RTF1: variants seen among roughly 807,000 people sequenced by gnomAD.
RTF1 encodes the protein RTF1 homolog, Paf1/RNA polymerase II complex component, also known as RNA polymerase-associated protein RTF1 homolog.
RTF1 carries 10 observed loss-of-function variants against 95.7 expected under a neutral mutation model. The observed-to-expected ratio is 0.10, with a 90% CI of 0.06 to 0.18. The LOEUF (loss-of-function observed/expected upper bound fraction) is 0.18, where lower values mean the gene tolerates loss of function less well. RTF1 is among the 10% of genes least tolerant of loss of function. The pLI is 1.00. For synonymous variants in RTF1, 305 were observed against 311.8 expected, an observed-to-expected ratio of 0.98 and a Z score of 0.23; for missense variants, 458 against 875.6, an observed-to-expected ratio of 0.52 and a Z score of 6.02.
At chr15:41,459,272 C>T (rs768860030) in intron 4 of RTF1, among the ~76,000 whole-genome samples, 12 of 151,310 alleles carry the variant, frequency 7.9e-5, no homozygotes, top group Non-Finnish European at 1.3e-4. Context: ...ACTTGGGAGG[C>T]TGAGTCAGCA....
Position 41,447,346 on chromosome 15 carries a change from G to A in RTF1, c.310-5555G>A, listed in dbSNP as rs116539460. On this transcript the variant is annotated intron_variant, in intron 2 of 17. Coordinates refer to ENST00000389629, the MANE Select transcript of RTF1 (RefSeq NM_015138.5). ...CCCTATTCCAGAGCAACCAGTCCCC[G>A]CCTTGTGTTTCTTCCCATCTTTCAG... Among the ~76,000 whole-genome samples, 982 of 152,108 alleles carry A rather than the reference G, an allele frequency of 6.5e-3. 13 individuals carry two copies. Among genetic ancestry groups the A allele is most frequent in the African/African-American group, 0.021 (888 of 41,488 alleles).
rs527341826 is a variant in RTF1 at position 41,483,350 on chromosome 15, C to G, written c.*2663C>G. On this transcript the variant is annotated 3_prime_UTR_variant, in exon 18 of 18. Transcript: ENST00000389629. ...CCAAGGTTGTTTTTATGCATTTTTT[C>G]AGTTCCTTCCAAGAAGCAAAAAGGC... is the stretch of plus-strand genomic sequence containing the variant. The G allele has an allele frequency of 6.5e-5, 10 of 152,740 alleles. No homozygotes were observed. In the East Asian group the frequency reaches 1.9e-3, roughly 29 times the overall value. 9.5% of individuals were successfully genotyped at this position (152,740 alleles called of 1,614,324 possible).
At chr15:41,424,562 C>T (rs772994451) in intron 1 of RTF1, among the ~76,000 whole-genome samples, 7 of 152,092 alleles carry the variant, frequency 4.6e-5, no homozygotes, top group South Asian at 2.1e-4. Context: ...ACGGACTACA[C>T]TCAGCAGTAA....
chr15:41,452,562 C>T (rs1443708604), intron 2 of RTF1, among the ~76,000 whole-genome samples: 7 of 151,876 alleles, frequency 4.6e-5, no homozygotes, highest in Non-Finnish European at 7.4e-5. Context: ...AGTGAAACCC[C>T]GTCTCTACAA....
rs1259059162 is a variant in RTF1, at chr15:41,432,262, A to G, written c.199-6059A>G. Among the ~76,000 whole-genome samples the G allele has an allele frequency of 2.0e-5, 3 of 150,936 alleles. No homozygotes were observed. In the East Asian group the frequency reaches 5.9e-4, roughly 30 times the overall value. ...AGTCTGGATGGAGTGCAGTGGCACAATCTCGGCCCACTGCAAGTTCCGCCT... is the reference window on the plus strand; with the variant it reads ...AGTCTGGATGGAGTGCAGTGGCACAGTCTCGGCCCACTGCAAGTTCCGCCT... On this transcript the variant is annotated intron_variant, in intron 1 of 17. Coordinates refer to ENST00000389629, the MANE Select transcript of RTF1 (RefSeq NM_015138.5).
chr15:41,436,287 TAAAAAA>T (rs746306495), intron 1 of RTF1, among the ~76,000 whole-genome samples: 3 of 95,218 alleles, frequency 3.2e-5, no homozygotes, highest in East Asian at 2.9e-4. Context: ...CCGTCTCTAC[TAAAAAA>T]AAAAAAAAAA....
intron 1 of RTF1, among the ~76,000 whole-genome samples, chr15:41,426,464 CCTGA>C (rs1566835594): frequency 6.6e-6 from 1 of 151,926 alleles, no homozygotes; most frequent in Non-Finnish European, 1.5e-5. Context: ...CGCCACCATG[CCTGA>C]CTAATTTTTT....
chr15:41,427,543 A>G (rs1183282319), intron 1 of RTF1, among the ~76,000 whole-genome samples: 1 of 151,892 alleles, frequency 6.6e-6, no homozygotes, highest in Non-Finnish European at 1.5e-5. Context: ...AGCTGGGTGT[A>G]GTGGTGTGTG....
At position 41,466,162 on chromosome 15, in the gene RTF1, C is replaced by T; in HGVS notation, c.799C>T (p.Arg267Trp). 1.3e-6 allele frequency: 2 copies of T among 1,585,564 alleles called. No homozygotes were observed. Among genetic ancestry groups the T allele is most frequent in the Non-Finnish European group, 1.7e-6 (2 of 1,167,110 alleles). The change falls in exon 6 of 18, where the codon CGG becomes TGG. Residue 267 changes from arginine (R) to tryptophan (W), a missense_variant. This residue lies in a region of RTF1 where 39 missense variants were observed against 43.8 expected (regional missense o/e 0.89). Coordinates refer to ENST00000389629, the MANE Select transcript of RTF1 (RefSeq NM_015138.5). Reference sequence around the variant, plus strand: ...CTAGGTAACATCCCACAACAAGGAACGGCGTTCCAAGCGGGATGAGAAACT... The same window carrying T: ...CTAGGTAACATCCCACAACAAGGAATGGCGTTCCAAGCGGGATGAGAAACT... Reference protein sequence around the residue: ...ESQVTSHNKERRSKRDEKLDK... With the variant: ...ESQVTSHNKEWRSKRDEKLDK...
intron 2 of RTF1, among the ~76,000 whole-genome samples, chr15:41,445,734 ATT>A (rs66494134): frequency 1.3e-4 from 17 of 131,978 alleles, no homozygotes; most frequent in Admixed American, 1.5e-4. Context: ...TCCTGACCCC[ATT>A]TTTTTTTTTT....
intron 2 of RTF1, among the ~76,000 whole-genome samples, chr15:41,446,450 C>T (rs1023894334): frequency 6.6e-6 from 1 of 152,046 alleles, no homozygotes; most frequent in African/African-American, 2.4e-5. Flanking sequence ...CCTGTAGTCC[C>T]AGCTACTCAG....
At chr15:41,421,066 A>C (rs1003539238) in intron 1 of RTF1, among the ~76,000 whole-genome samples, 1 of 151,022 alleles carries the variant, frequency 6.6e-6, no homozygotes. Context: ...CATGCCCTGT[A>C]ATCTCAGCAC....
intron 2 of RTF1, among the ~76,000 whole-genome samples, chr15:41,445,036 G>A (rs556912016): frequency 2.6e-5 from 4 of 151,992 alleles, no homozygotes; most frequent in Admixed American, 2.0e-4. Context: ...GATTCACGCC[G>A]TTCTCCTGCC....
chr15:41,472,196 T>G (rs1335956635), intron 8 of RTF1, among the ~76,000 whole-genome samples: 2 of 149,490 alleles, frequency 1.3e-5, no homozygotes, highest in Non-Finnish European at 3.0e-5. Flanking sequence ...CCTATTTTTA[T>G]TTTTATTTAT....
intron 1 of RTF1, among the ~76,000 whole-genome samples, chr15:41,417,968 T>C (rs1211453069): frequency 6.6e-6 from 1 of 151,446 alleles, no homozygotes; most frequent in Non-Finnish European, 1.5e-5. Context: ...GGGCAGATAC[T>C]GGAAGAAATA....
chr15:41,426,779 ATATGTGTGTGTGTGTGTGTGTGTG>A (rs2050634413), intron 1 of RTF1, among the ~76,000 whole-genome samples: 1 of 77,562 alleles, frequency 1.3e-5, no homozygotes, highest in Non-Finnish European at 2.5e-5. Context: ...CGCTACATAT[ATATGTGTGTGTGTGTGTGTGTGTG>A]TGTGTGTGTG....
At chr15:41,459,861 C>A (rs1418023444) in intron 4 of RTF1, among the ~76,000 whole-genome samples, 1 of 152,108 alleles carries the variant, frequency 6.6e-6, no homozygotes, top group South Asian at 2.1e-4. Context: ...TTCCTTATCT[C>A]CTAACAGAAT....
chr15:41,466,441 A>G (rs1417753501), intron 6 of RTF1, among the ~76,000 whole-genome samples, 189 bp downstream of exon 6: 2 of 152,220 alleles, frequency 1.3e-5, no homozygotes, highest in African/African-American at 4.8e-5. Context: ...TGTTAAATCT[A>G]TAATCCTTTC....
rs1489958895 is a variant in RTF1, at chr15:41,471,347, C to T, written c.1201C>T (p.Arg401Trp). ...IGNHNSKPVY[R>W]VAEITGVVET... ...AAACCACAACAGCAAACCAGTTTAC[C>T]GGGTTGGTATTTCTTCCCTTGGACA... The change falls in exon 8 of 18, where the codon CGG (arginine) becomes TGG (tryptophan). Residue 401 changes from arginine (R) to tryptophan (W), a missense_variant and splice_region_variant. Coordinates refer to ENST00000389629, the MANE Select transcript of RTF1 (RefSeq NM_015138.5). The T allele has an allele frequency of 1.2e-6, 2 of 1,607,652 alleles. No homozygotes were observed. Among genetic ancestry groups the T allele is most frequent in the Non-Finnish European group, 1.7e-6 (2 of 1,177,362 alleles).
Sources: gnomAD v4.1 joint callset for allele counts (sites outside exome capture counted in the v4.1 genomes callset) on GRCh38, gnomAD v4.1.1 for gene constraint, gnomAD v4.1.1 regional missense constraint, MANE v1.5 for transcripts, NCBI Gene and HGNC (gene_info 2026-07-23, HGNC 2026-07-21) for gene names.